The following EVL variants were observed in gnomAD, a reference collection of about 807,000 sequenced individuals.
The protein encoded by EVL is ena/VASP-like protein.
EVL carries 21 observed loss-of-function variants against 59.6 expected under a neutral mutation model. The observed-to-expected ratio is 0.35, with a 90% CI of 0.25 to 0.51. The LOEUF (loss-of-function observed/expected upper bound fraction) is 0.51, where lower values mean the gene tolerates loss of function less well. Ranked by LOEUF, EVL falls within the 20% of genes least tolerant of loss-of-function variation. The pLI is 0.97. For synonymous variants in EVL, 198 were observed against 203.5 expected (o/e 0.97, Z 0.23); for missense variants, 462 against 546.6 (o/e 0.85, Z 1.54).
chr14:100,089,415 TCACA>T (rs1444596567), intron 2 of EVL, among the ~76,000 whole-genome samples: 1 of 152,194 alleles, frequency 6.6e-6, no homozygotes, highest in African/African-American at 2.4e-5. Flanking sequence ...AGGATGGAAC[TCACA>T]CAGAGTATGT....
At position 100,036,271 on chromosome 14, in the gene EVL, T is replaced by C. The variant is rs188795819; in HGVS notation, c.6-48416T>C. Among the ~76,000 whole-genome samples the C allele has an allele frequency of 6.6e-5, 10 of 152,322 alleles. 1 individual carries two copies. Among genetic ancestry groups the C allele is most frequent in the Middle Eastern group, 3.4e-3 (1 of 294 alleles). On this transcript the variant is annotated intron_variant, in intron 1 of 13. Transcript: ENST00000402714. The stretch of plus-strand genomic sequence containing the variant: ...ACCCCAGTCCATGGAAAAATTGCCT[T>C]CCTTGAAACTGGTCCCTACTGCCAA...
In EVL at chr14:99,972,888, TTTGTATTATTTATGACAATGAAATA is replaced by T. The variant is rs1566959426; in HGVS notation, c.5+832_5+856del. On this transcript the variant is annotated intron_variant, in intron 1 of 13. Coordinates refer to the EVL transcript ENST00000402714. This position sits in a 1 kb window ranked among gnomAD's most constrained non-coding sequence, Gnocchi z 4.4. ...GTAACTATAGTTTCGTTTTGCCTGT[TTTGTATTATTTATGACAATGAAATA>T]ATACAGTATTCTTTTGTGTCTGGTG... Among the ~76,000 whole-genome samples the T allele has an allele frequency of 6.6e-6, 1 of 152,232 alleles. No homozygotes were observed. Among genetic ancestry groups the T allele is most frequent in the African/African-American group, 2.4e-5 (1 of 41,454 alleles).
At chr14:99,976,987 T>C (rs1031481664) in intron 1 of EVL, 1 of 149,270 alleles carries the variant, frequency 6.7e-6, no homozygotes, top group African/African-American at 2.5e-5. Context: ...AGGATTGTTC[T>C]GATTGTTCTG....
intron 4 of EVL, among the ~76,000 whole-genome samples, chr14:100,125,596 C>T (rs1181558563): frequency 5.3e-5 from 8 of 151,466 alleles, no homozygotes; most frequent in African/African-American, 1.9e-4. Flanking sequence ...TGCTCTGTCA[C>T]CCGGGCTGGA....
chr14:100,008,453 T>C (rs1010237278), intron 1 of EVL, among the ~76,000 whole-genome samples: 2 of 152,198 alleles, frequency 1.3e-5, no homozygotes, highest in African/African-American at 4.8e-5. Flanking sequence ...ACTTACCATA[T>C]TAATGAAATC....
At chr14:100,060,289 G>C (rs905701247) in intron 1 of EVL, among the ~76,000 whole-genome samples, 3 of 151,944 alleles carry the variant, frequency 2.0e-5, no homozygotes, top group Non-Finnish European at 4.4e-5. Flanking sequence ...AAATTAGCCG[G>C]GCGTGGTGGC....
intron 1 of EVL, among the ~76,000 whole-genome samples, chr14:99,987,844 G>A (rs2060848911): frequency 6.6e-6 from 1 of 150,790 alleles, no homozygotes; most frequent in South Asian, 2.1e-4. Context: ...CCCAGTTTCT[G>A]GTATTTTTGT....
chr14:99,993,421 C>T (rs987020103), intron 1 of EVL, among the ~76,000 whole-genome samples: 7 of 152,010 alleles, frequency 4.6e-5, no homozygotes, highest in Non-Finnish European at 7.4e-5. Flanking sequence ...ACTCCTTCAT[C>T]GGTATTCATC....
intron 2 of EVL, among the ~76,000 whole-genome samples, chr14:100,092,036 C>T (rs1595163937): frequency 6.6e-6 from 1 of 151,934 alleles, no homozygotes; most frequent in South Asian, 2.1e-4. Context: ...CCCAGGAGTT[C>T]AAGACCAGCC....
In EVL at chr14:99,989,072, A is replaced by T. The variant is rs1040409770; in HGVS notation, c.5+17015A>T. Among the ~76,000 whole-genome samples the T allele has an allele frequency of 2.0e-5, 3 of 152,338 alleles. No homozygotes were observed. In the South Asian group the frequency reaches 6.2e-4, roughly 32 times the overall value. On this transcript the variant is annotated intron_variant, in intron 1 of 13. Coordinates refer to the EVL transcript ENST00000402714. Reference sequence around the variant, plus strand: ...TGTATACTTTAAATGGGTGAATTTTATGAAAAAGAAAAAATCTGTTCCTCA... The same window carrying T: ...TGTATACTTTAAATGGGTGAATTTTTTGAAAAAGAAAAAATCTGTTCCTCA...
intron 1 of EVL, among the ~76,000 whole-genome samples, chr14:100,083,457 A>C (rs1198059634): frequency 1.3e-5 from 2 of 152,014 alleles, no homozygotes; most frequent in Non-Finnish European, 2.9e-5. Flanking sequence ...AAAAAAAAAA[A>C]AGAAATAAAC....
intron 1 of EVL, among the ~76,000 whole-genome samples, chr14:100,035,288 C>T (rs1037890195): frequency 6.6e-6 from 1 of 151,236 alleles, no homozygotes; most frequent in African/African-American, 2.4e-5. Flanking sequence ...TTGGCAACAA[C>T]AAATGTTTTG....
intron 1 of EVL, among the ~76,000 whole-genome samples, chr14:99,991,033 A>C (rs1310792076): frequency 6.6e-6 from 1 of 151,970 alleles, no homozygotes; most frequent in East Asian, 1.9e-4. Flanking sequence ...ATGTTGGAAA[A>C]ATTTTTTGGA....
Position 100,085,398 on chromosome 14 carries a change from A to C in EVL, c.180+543A>C, listed in dbSNP as rs61079086. ...ATGTCCACCTGTGTCATGAATAGTC[A>C]TATACACGTAATTAATGGCAAAATA... On this transcript the variant is annotated intron_variant, in intron 2 of 13. Transcript: ENST00000392920. Among the ~76,000 whole-genome samples the C allele has an allele frequency of 0.012, 1,852 of 152,324 alleles. 98 individuals are homozygous for C. The East Asian group carries it at 0.18, about 15-fold the overall frequency.
chr14:100,032,200 A>G (rs527999657), intron 1 of EVL, among the ~76,000 whole-genome samples: 17 of 152,350 alleles, frequency 1.1e-4, no homozygotes, highest in South Asian at 1.0e-3. Context: ...GATGCATGCA[A>G]ATCAAATGTA....
chr14:100,142,127 G>A, intron 13 of EVL: 1 of 207,492 alleles, frequency 4.8e-6, no homozygotes, highest in East Asian at 1.1e-4. Flanking sequence ...AGCCACCTGA[G>A]CTGCTGTCAT....
In EVL at chr14:100,143,726, C is replaced by T. The variant is rs139019530; in HGVS notation, c.1245C>T (p.Ile415=). 6.2e-7 allele frequency: 1 copy of T among 1,612,368 alleles called. No homozygotes were observed. The highest frequency in any genetic ancestry group is 8.5e-7 in the Non-Finnish European group (1 of 1,179,906). Residue 415 remains isoleucine (I), a synonymous_variant, in exon 14 of 14, where the codon ATC becomes ATT. Transcript: ENST00000392920. The part of the protein sequence containing the change: ...IDAIRQELSG[I]STT ...CCATCAGGCAGGAGCTGAGTGGGATCAGCACCACGTAAGGGGCCGGCCTCG... is the reference window on the plus strand; with the variant it reads ...CCATCAGGCAGGAGCTGAGTGGGATTAGCACCACGTAAGGGGCCGGCCTCG...
chr14:100,019,268 C>T (rs150455897), intron 1 of EVL: 1 of 184,922 alleles, frequency 5.4e-6, no homozygotes, highest in African/African-American at 2.3e-5. Context: ...TCCTTTCAGC[C>T]TTCTCTCCTC....
chr14:100,022,684 G>C (rs910340600), intron 1 of EVL, among the ~76,000 whole-genome samples: 1 of 152,186 alleles, frequency 6.6e-6, no homozygotes, highest in Non-Finnish European at 1.5e-5. Flanking sequence ...ACAGAATCCT[G>C]CCTGTTTTTG....
Sources: allele counts gnomAD v4.1 joint callset (sites outside exome capture counted in the v4.1 genomes callset), GRCh38; gene constraint gnomAD v4.1.1; non-coding constraint Gnocchi (gnomAD v3.1); transcripts MANE v1.5; gene names NCBI Gene and HGNC (gene_info 2026-07-23, HGNC 2026-07-21).